Variants in THSD7B observed in about 807,000 individuals in gnomAD.
The protein encoded by THSD7B is thrombospondin type-1 domain-containing protein 7B.
Under a neutral mutation model 213.6 loss-of-function variants are expected in THSD7B, and 138 were observed. The ratio of observed to expected loss-of-function variants is 0.65; its 90% CI spans 0.56 to 0.74. The LOEUF (loss-of-function observed/expected upper bound fraction) is 0.74. Ranked by LOEUF, THSD7B falls within the 30% of genes least tolerant of loss-of-function variation. THSD7B has a pLI of 0.00. For missense variants in THSD7B, 1,931 were observed against 1,991.5 expected, an observed-to-expected ratio of 0.97 and a Z score of 0.58; for synonymous variants, 742 against 687.0, an observed-to-expected ratio of 1.08 and a Z score of -1.25.
intron 12 of THSD7B, among the ~76,000 whole-genome samples, chr2:137,300,186 T>C (rs1346197602): frequency 2.0e-5 from 3 of 152,198 alleles, no homozygotes; most frequent in Admixed American, 1.3e-4. Context: ...GCTATTTTAA[T>C]TGCTTCTTAT....
At chr2:136,884,838 G>A (rs994457383) in intron 2 of THSD7B, among the ~76,000 whole-genome samples, 16 of 151,860 alleles carry the variant, frequency 1.1e-4, no homozygotes, top group African/African-American at 2.4e-4. Context: ...CTATTGCTTG[G>A]CATTTCAGTG....
chr2:137,014,137 A>G (rs1046387833), intron 2 of THSD7B, among the ~76,000 whole-genome samples: 12 of 152,088 alleles, frequency 7.9e-5, no homozygotes, highest in Admixed American at 7.9e-4. Flanking sequence ...TCTGCCATCA[A>G]TACAGCCTTG....
intron 12 of THSD7B, among the ~76,000 whole-genome samples, chr2:137,279,993 T>C (rs1573930010): frequency 6.6e-6 from 1 of 152,174 alleles, no homozygotes; most frequent in Admixed American, 6.6e-5. Flanking sequence ...GGTTACACAT[T>C]CTCATGAAGG....
intron 7 of THSD7B, among the ~76,000 whole-genome samples, chr2:137,230,669 A>G (rs1681615459): frequency 6.6e-6 from 1 of 152,190 alleles, no homozygotes. Context: ...AATTTAGTAG[A>G]TTAGAAGGGT....
chr2:136,941,947 C>T (rs977875109), intron 2 of THSD7B, among the ~76,000 whole-genome samples: 1 of 152,102 alleles, frequency 6.6e-6, no homozygotes, highest in African/African-American at 2.4e-5. Context: ...AAGGTATTGC[C>T]TAGGTTTTCT....
At chr2:137,655,206 A>T (rs1683212020) in intron 21 of THSD7B, among the ~76,000 whole-genome samples, 1 of 152,212 alleles carries the variant, frequency 6.6e-6, no homozygotes, top group East Asian at 1.9e-4. Flanking sequence ...ATACAACTAG[A>T]CAAATTATGT....
chr2:137,267,972 T>C (rs905367024), intron 10 of THSD7B, among the ~76,000 whole-genome samples: 32 of 152,214 alleles, frequency 2.1e-4, no homozygotes, highest in African/African-American at 7.2e-4. Flanking sequence ...TTCTCTTACC[T>C]GGCTTCAAAC....
At chr2:137,168,977 T>A (rs919475054) in intron 6 of THSD7B, among the ~76,000 whole-genome samples, 1 of 151,990 alleles carries the variant, frequency 6.6e-6, no homozygotes, top group Non-Finnish European at 1.5e-5. Flanking sequence ...GTTAATGATA[T>A]AGACATGGAG....
chr2:137,119,005 T>C (rs1273732136), intron 5 of THSD7B, among the ~76,000 whole-genome samples: 1 of 152,134 alleles, frequency 6.6e-6, no homozygotes, highest in Non-Finnish European at 1.5e-5. Context: ...AACACCCCCA[T>C]GATTCAATTA....
intron 14 of THSD7B, among the ~76,000 whole-genome samples, chr2:137,422,375 G>T (rs1686947591): frequency 6.6e-6 from 1 of 152,104 alleles, no homozygotes; most frequent in Middle Eastern, 3.2e-3. Context: ...GCTATATCTT[G>T]TTCATTTAAT....
intron 2 of THSD7B, among the ~76,000 whole-genome samples, chr2:137,000,700 G>A (rs1303290041): frequency 1.3e-5 from 2 of 152,068 alleles, no homozygotes; most frequent in African/African-American, 2.4e-5. Flanking sequence ...ATTAAGTTCT[G>A]TAGTCTATAC....
intron 4 of THSD7B, among the ~76,000 whole-genome samples, chr2:137,112,438 T>G (rs888085535): frequency 1.1e-4 from 16 of 152,184 alleles, no homozygotes; most frequent in Admixed American, 7.2e-4. Context: ...AACTTGGGTG[T>G]TTTTGGTTAA....
intron 1 of THSD7B, among the ~76,000 whole-genome samples, chr2:136,812,274 A>G (rs1682387701): frequency 6.6e-6 from 1 of 152,212 alleles, no homozygotes; most frequent in African/African-American, 2.4e-5. Flanking sequence ...CCAACACCTT[A>G]CCATGTTGTT....
intron 10 of THSD7B, among the ~76,000 whole-genome samples, chr2:137,261,388 A>T (rs1033252751): frequency 2.6e-5 from 4 of 152,190 alleles, no homozygotes; most frequent in Non-Finnish European, 5.9e-5. Flanking sequence ...ACATTTTTAC[A>T]TGCTGACTAG....
intron 15 of THSD7B, among the ~76,000 whole-genome samples, chr2:137,486,535 A>T (rs1234457014): frequency 2.0e-5 from 3 of 150,024 alleles, no homozygotes; most frequent in African/African-American, 4.9e-5. Flanking sequence ...CTCCCACACA[A>T]TAATAATGGG....
At chr2:137,425,321 A>G (rs186330462) in intron 14 of THSD7B, among the ~76,000 whole-genome samples, 1 of 151,872 alleles carries the variant, frequency 6.6e-6, no homozygotes, top group East Asian at 1.9e-4. Flanking sequence ...GGTTCAAGTG[A>G]TTCTCCTGCC....
intron 2 of THSD7B, among the ~76,000 whole-genome samples, chr2:136,953,902 T>C (rs1685080732): frequency 6.6e-6 from 1 of 152,152 alleles, no homozygotes; most frequent in African/African-American, 2.4e-5. Flanking sequence ...ATTAAAGAGA[T>C]GTAAGGGATT....
At chr2:136,949,984 C>A (rs577152946) in intron 2 of THSD7B, among the ~76,000 whole-genome samples, 6 of 152,208 alleles carry the variant, frequency 3.9e-5, no homozygotes, top group Non-Finnish European at 8.8e-5. Flanking sequence ...GGCGGCCGGG[C>A]GCAACACGCC....
intron 2 of THSD7B, among the ~76,000 whole-genome samples, chr2:136,946,286 A>G (rs551031430): frequency 6.6e-4 from 101 of 152,242 alleles, no homozygotes; most frequent in Non-Finnish European, 1.2e-3. Flanking sequence ...GGGTATCACC[A>G]GTGGAGGCTG....
Sources: gnomAD v4.1 joint callset for allele counts (sites outside exome capture counted in the v4.1 genomes callset) on GRCh38, gnomAD v4.1.1 for gene constraint, MANE v1.5 for transcripts, NCBI Gene and HGNC (gene_info 2026-07-23, HGNC 2026-07-21) for gene names.